SPRED2: variants seen among roughly 807,000 people sequenced by gnomAD.
SPRED2 encodes the protein sprouty-related, EVH1 domain-containing protein 2.
Under a neutral mutation model 43.0 loss-of-function variants are expected in SPRED2, and 47 were observed. The ratio of observed to expected loss-of-function variants is 1.09; its 90% CI spans 0.87 to 1.40. The LOEUF is 1.40. Among genes scored for constraint, SPRED2 ranks in the 40% most tolerant of loss-of-function variants. The pLI, the probability that SPRED2 is intolerant of heterozygous loss-of-function variation, is 0.00. For missense variants in SPRED2, 561 were observed against 586.4 expected, an observed-to-expected ratio of 0.96 and a Z score of 0.45; for synonymous variants, 225 against 225.7, an observed-to-expected ratio of 1.00 and a Z score of 0.03.
At chr2:65,343,070 A>G (rs1468608884) in intron 2 of SPRED2, among the ~76,000 whole-genome samples, 1 of 152,224 alleles carries the variant, frequency 6.6e-6, no homozygotes, top group Non-Finnish European at 1.5e-5. Context: ...GCCACTAAGA[A>G]CAAGGAATCT....
In SPRED2 at chr2:65,312,270, T is replaced by C. The variant is rs1673090712; in HGVS notation, c.*1231A>G. On this transcript the variant is annotated 3_prime_UTR_variant, in exon 6 of 6. Coordinates refer to ENST00000356388, the MANE Select transcript of SPRED2 (RefSeq NM_181784.3). ...GTTGCAGGAGAAAGACACTTAGGCATTGGAAGGGTTTTTACATATGGCCTT... is the reference window on the plus strand; with the variant it reads ...GTTGCAGGAGAAAGACACTTAGGCACTGGAAGGGTTTTTACATATGGCCTT... 30 of 985,550 alleles carry C rather than the reference T, an allele frequency of 3.0e-5. 1 individual carries two copies. The South Asian group carries it at 1.3e-3, about 43-fold the overall frequency. The allele number at this position is 985,550 out of a possible 1,614,324, so 61.1% of individuals were successfully genotyped here.
intron 1 of SPRED2, among the ~76,000 whole-genome samples, chr2:65,349,292 C>T (rs1400963540): frequency 9.6e-6 from 1 of 104,390 alleles, no homozygotes; most frequent in Non-Finnish European, 1.7e-5. Flanking sequence ...CCTGGCGACA[C>T]AGCAAGACTC....
intron 1 of SPRED2, among the ~76,000 whole-genome samples, chr2:65,384,975 C>CTTCTTT (rs755213088): frequency 3.6e-5 from 5 of 139,808 alleles, no homozygotes; most frequent in Non-Finnish European, 3.1e-5. Flanking sequence ...TCCACTTCTT[C>CTTCTTT]TTTTTTTTTT....
Position 65,391,794 on chromosome 2 carries a change from G to A in SPRED2, c.26+40168C>T, listed in dbSNP as rs10176690. ...CTGAATTCTACTCTCAAACAACAGG[G>A]CATGAAAAATGTTCCCTCACCAAAA... On this transcript the variant is annotated intron_variant, in intron 1 of 5. Coordinates refer to ENST00000356388, the MANE Select transcript of SPRED2 (RefSeq NM_181784.3). 1.5e-3 allele frequency among the ~76,000 whole-genome samples: 222 copies of A among 152,186 alleles called. 2 individuals are homozygous for A. Among genetic ancestry groups the A allele is most frequent in the African/African-American group, 5.0e-3 (207 of 41,524 alleles).
At chr2:65,409,691 C>CA (rs59225849) in intron 1 of SPRED2, among the ~76,000 whole-genome samples, 9,155 of 89,996 alleles carry the variant, frequency 0.1, 887 homozygotes, top group African/African-American at 0.27. Context: ...CAGTTTCCTG[C>CA]AAAAAAAAAA....
intron 1 of SPRED2, among the ~76,000 whole-genome samples, chr2:65,388,356 G>A (rs1315078942): frequency 6.6e-6 from 1 of 152,226 alleles, no homozygotes; most frequent in Non-Finnish European, 1.5e-5. Context: ...ACAAATGACG[G>A]TGAGGTCATG....
At chr2:65,425,723 G>A (rs35528432) in intron 1 of SPRED2, among the ~76,000 whole-genome samples, 18,342 of 152,164 alleles carry the variant, frequency 0.12, 1,673 homozygotes, top group Non-Finnish European at 0.17. Context: ...GTCACTAAGA[G>A]CCCTAGAAAA....
chr2:65,367,866 G>C (rs974463070), intron 1 of SPRED2, among the ~76,000 whole-genome samples: 1 of 152,108 alleles, frequency 6.6e-6, no homozygotes, highest in African/African-American at 2.4e-5. Flanking sequence ...AGGCCCTTTG[G>C]TAATGTGGCA....
chr2:65,374,975 A>T (rs268122), intron 1 of SPRED2, among the ~76,000 whole-genome samples: 51,977 of 152,164 alleles, frequency 0.34, 9,997 homozygotes, highest in Non-Finnish European at 0.44. Flanking sequence ...CACCAAGAAA[A>T]GAAGCTTGCT....
At chr2:65,331,111 T>G (rs1242244608) in intron 4 of SPRED2, among the ~76,000 whole-genome samples, 1 of 152,302 alleles carries the variant, frequency 6.6e-6, no homozygotes, top group East Asian at 1.9e-4. Context: ...GCCCAGAATT[T>G]GAAAATGCTG....
At chr2:65,338,356 T>C (rs1674044510) in intron 2 of SPRED2, among the ~76,000 whole-genome samples, 1 of 149,038 alleles carries the variant, frequency 6.7e-6, no homozygotes, top group African/African-American at 2.5e-5. Flanking sequence ...GGGCCAAAGC[T>C]GGACTGTACT....
chr2:65,411,678 C>G (rs184594924), intron 1 of SPRED2, among the ~76,000 whole-genome samples: 1 of 152,116 alleles, frequency 6.6e-6, no homozygotes, highest in East Asian at 1.9e-4. Context: ...ACCTTTGGAA[C>G]GCTGGTGACT....
chr2:65,322,286 A>T (rs1673448286), intron 4 of SPRED2, among the ~76,000 whole-genome samples: 3 of 98,350 alleles, frequency 3.1e-5, no homozygotes, highest in African/African-American at 4.8e-5. Flanking sequence ...ATATATATAT[A>T]TATATATATT....
intron 1 of SPRED2, among the ~76,000 whole-genome samples, chr2:65,422,812 C>T (rs1010058831): frequency 2.6e-5 from 4 of 152,074 alleles, no homozygotes; most frequent in Admixed American, 2.0e-4. Flanking sequence ...AGTGTGCTCA[C>T]ACACAGATCA....
rs1416060883 is a variant in SPRED2 at position 65,311,276 on chromosome 2, T to C, written c.*2225A>G. 18 of 985,770 alleles carry C rather than the reference T, an allele frequency of 1.8e-5. No individual in the cohort carries two copies. Among genetic ancestry groups the C allele is most frequent in the Non-Finnish European group, 2.2e-5 (18 of 829,956 alleles). The allele number at this position is 985,770 out of a possible 1,614,324, so 61.1% of individuals were successfully genotyped here. On this transcript the variant is annotated 3_prime_UTR_variant, in exon 6 of 6. Transcript: ENST00000356388. Reference sequence around the variant, plus strand: ...GCAATTAGAGACGTATTTACATAAATGTCCCCATGGCTGTCTTTGTGCCCT... The same window carrying C: ...GCAATTAGAGACGTATTTACATAAACGTCCCCATGGCTGTCTTTGTGCCCT...
intron 1 of SPRED2, among the ~76,000 whole-genome samples, chr2:65,412,447 C>T (rs2103767561): frequency 6.6e-6 from 1 of 152,320 alleles, no homozygotes; most frequent in Admixed American, 6.5e-5. Context: ...TAATTAAGGA[C>T]TAATTGGGCT....
intron 1 of SPRED2, among the ~76,000 whole-genome samples, chr2:65,386,646 T>C (rs577575995): frequency 2.6e-5 from 4 of 152,312 alleles, no homozygotes; most frequent in Non-Finnish European, 5.9e-5. Flanking sequence ...ATCCTTACAG[T>C]ATGGCTTCCA....
intron 1 of SPRED2, among the ~76,000 whole-genome samples, chr2:65,352,013 A>C (rs1056014724): frequency 3.3e-5 from 5 of 152,148 alleles, no homozygotes; most frequent in Non-Finnish European, 5.9e-5. Flanking sequence ...AAGGTAGAAC[A>C]CTTGCTCTAC....
chr2:65,393,326 C>CTTTTTTTTTTTTTT (rs55696467), intron 1 of SPRED2, among the ~76,000 whole-genome samples: 2 of 141,692 alleles, frequency 1.4e-5, no homozygotes, highest in Non-Finnish European at 3.1e-5. Context: ...AATCATAAGG[C>CTTTTTTTTTTTTTT]TTTTTTTTTT....
Sources: gnomAD v4.1 joint callset for allele counts (sites outside exome capture counted in the v4.1 genomes callset) on GRCh38, gnomAD v4.1.1 for gene constraint, MANE v1.5 for transcripts, NCBI Gene and HGNC (gene_info 2026-07-23, HGNC 2026-07-21) for gene names.